The following RAP1GDS1 variants were observed in gnomAD, a reference collection of about 807,000 sequenced individuals.
RAP1GDS1 encodes the protein RAP1, GTP-GDP dissociation stimulator 1.
RAP1GDS1 carries 35 observed loss-of-function variants against 71.1 expected under a neutral mutation model. That is an observed-to-expected ratio of 0.49 (90% confidence interval 0.38 to 0.65). RAP1GDS1 has a LOEUF of 0.65. RAP1GDS1 is among the 30% of genes least tolerant of loss of function. The pLI is 0.00. For missense variants in RAP1GDS1, 663 were observed against 706.1 expected, an observed-to-expected ratio of 0.94 and a Z score of 0.69; for synonymous variants, 229 against 243.1, an observed-to-expected ratio of 0.94 and a Z score of 0.54.
chr4:98,357,172 T>C (rs147828645), intron 4 of RAP1GDS1, among the ~76,000 whole-genome samples: 1,696 of 152,012 alleles, frequency 0.011, 37 homozygotes, highest in African/African-American at 0.039. Context: ...ATATCCAGCA[T>C]TTAAAATAAA....
At chr4:98,324,075 C>G (rs1732490264) in intron 2 of RAP1GDS1, among the ~76,000 whole-genome samples, 1 of 151,244 alleles carries the variant, frequency 6.6e-6, no homozygotes, top group Non-Finnish European at 1.5e-5. Flanking sequence ...TTCAAAGTCT[C>G]AGGATACAAA....
At chr4:98,316,094 C>A (rs1730895296) in intron 2 of RAP1GDS1, among the ~76,000 whole-genome samples, 1 of 152,018 alleles carries the variant, frequency 6.6e-6, no homozygotes, top group African/African-American at 2.4e-5. Flanking sequence ...AGGGAACAGG[C>A]AAAGTATATG....
At chr4:98,384,423 A>G (rs1742441274) in intron 5 of RAP1GDS1, among the ~76,000 whole-genome samples, 1 of 151,694 alleles carries the variant, frequency 6.6e-6, no homozygotes, top group East Asian at 1.9e-4. Context: ...ACAGCTTTCT[A>G]GTCAGTTTGC....
At chr4:98,304,199 T>G (rs1482707304) in intron 2 of RAP1GDS1, among the ~76,000 whole-genome samples, 1 of 152,186 alleles carries the variant, frequency 6.6e-6, no homozygotes, top group Non-Finnish European at 1.5e-5. Context: ...TATATTCCTT[T>G]GGGTATATAC....
At chr4:98,421,438 C>G (rs1353384825) in intron 12 of RAP1GDS1, 44 bp downstream of exon 12, 1 of 1,515,250 alleles carries the variant, frequency 6.6e-7, no homozygotes, top group East Asian at 2.3e-5. Flanking sequence ...TTCAGAGTGT[C>G]TTTTTCAGAA....
intron 12 of RAP1GDS1, among the ~76,000 whole-genome samples, chr4:98,430,618 T>C (rs1750264412): frequency 6.6e-6 from 1 of 152,242 alleles, no homozygotes; most frequent in South Asian, 2.1e-4. Flanking sequence ...TCTTTAATTT[T>C]ATTTGAATCC....
chr4:98,294,394 A>G (rs1229902430), intron 2 of RAP1GDS1, among the ~76,000 whole-genome samples: 1 of 152,202 alleles, frequency 6.6e-6, no homozygotes, highest in Middle Eastern at 3.4e-3. Context: ...AGAAAAATCT[A>G]AAATAATTGA....
Position 98,442,163 on chromosome 4 carries a change from G to A in RAP1GDS1, c.*46G>A. 2 of 1,598,638 alleles carry A rather than the reference G, an allele frequency of 1.3e-6. No homozygotes were observed. ...TCATCCCATCTCTAATTTCCCCTCTGTCCTCCATCCAGCGGCTTCTTCCGC... is the reference window on the plus strand; with the variant it reads ...TCATCCCATCTCTAATTTCCCCTCTATCCTCCATCCAGCGGCTTCTTCCGC... On this transcript the variant is annotated 3_prime_UTR_variant, in exon 15 of 15. Transcript: ENST00000408927.
At chr4:98,272,417 G>A (rs1308131531) in intron 1 of RAP1GDS1, among the ~76,000 whole-genome samples, 1 of 152,156 alleles carries the variant, frequency 6.6e-6, no homozygotes, top group Non-Finnish European at 1.5e-5. Flanking sequence ...GATGCTTGAA[G>A]AAGTGGTAGT....
intron 2 of RAP1GDS1, among the ~76,000 whole-genome samples, chr4:98,342,416 T>C (rs1175959038): frequency 1.3e-5 from 2 of 152,192 alleles, no homozygotes; most frequent in Non-Finnish European, 2.9e-5. Context: ...TGAGCTTTTC[T>C]TTATTTTTAA....
chr4:98,261,704 G>A (rs1721997006), intron 1 of RAP1GDS1, 135 bp downstream of exon 1: 2 of 1,186,392 alleles, frequency 1.7e-6, no homozygotes, highest in East Asian at 3.1e-5. Context: ...CTGTTCCTCC[G>A]GGGAGAGTCG....
chr4:98,399,593 C>T (rs1261946031), intron 6 of RAP1GDS1, among the ~76,000 whole-genome samples: 1 of 152,098 alleles, frequency 6.6e-6, no homozygotes, highest in African/African-American at 2.4e-5. Flanking sequence ...TGTGTCTGCC[C>T]CAGTCCCATT....
chr4:98,399,651 C>CA, intron 6 of RAP1GDS1, among the ~76,000 whole-genome samples: 1 of 152,198 alleles, frequency 6.6e-6, no homozygotes, highest in South Asian at 2.1e-4. Context: ...AAAGAAGATA[C>CA]AAAAATGGCT....
At chr4:98,407,276 A>G (rs1746264204) in intron 7 of RAP1GDS1, among the ~76,000 whole-genome samples, 1 of 151,984 alleles carries the variant, frequency 6.6e-6, no homozygotes, top group Non-Finnish European at 1.5e-5. Flanking sequence ...TGGTCTATTA[A>G]TTTTGTTAAT....
intron 7 of RAP1GDS1, among the ~76,000 whole-genome samples, chr4:98,405,485 T>C (rs1292470245): frequency 6.6e-6 from 1 of 152,040 alleles, no homozygotes; most frequent in Non-Finnish European, 1.5e-5. Flanking sequence ...AAATGAGACA[T>C]TCTCATATGC....
At chr4:98,279,248 AAAT>A (rs966336144) in intron 1 of RAP1GDS1, among the ~76,000 whole-genome samples, 18 of 151,140 alleles carry the variant, frequency 1.2e-4, no homozygotes, top group African/African-American at 3.5e-4. Context: ...AAACAAACAA[AAAT>A]AATAATAATA....
At chr4:98,304,320 A>T (rs1729004282) in intron 2 of RAP1GDS1, among the ~76,000 whole-genome samples, 1 of 152,192 alleles carries the variant, frequency 6.6e-6, no homozygotes, top group Admixed American at 6.5e-5. Flanking sequence ...CCAACAGTGT[A>T]AAAGTGTTCC....
Position 98,379,182 on chromosome 4 carries a change from T to A in RAP1GDS1, c.508+19T>A. 6.5e-7 allele frequency: 1 copy of A among 1,546,232 alleles called. No homozygotes were observed. The highest frequency in any genetic ancestry group is 2.1e-5 in the Admixed American group (1 of 47,544). On this transcript the variant is annotated intron_variant, in intron 5 of 14. Coordinates refer to ENST00000408927, the MANE Select transcript of RAP1GDS1 (RefSeq NM_001100427.2). ...GAGAATGGTAAACAAAACTGAAAAC[T>A]TGCTTTATCTCTGGGGGAAAAATTA... is the stretch of plus-strand genomic sequence containing the variant.
intron 12 of RAP1GDS1, among the ~76,000 whole-genome samples, chr4:98,428,407 A>G (rs1040993857): frequency 4.6e-5 from 7 of 152,240 alleles, no homozygotes; most frequent in African/African-American, 1.7e-4. Context: ...CGGCAGAGTA[A>G]ACAGACAACC....
Sources: gnomAD v4.1 joint callset for allele counts (sites outside exome capture counted in the v4.1 genomes callset) on GRCh38, gnomAD v4.1.1 for gene constraint, MANE v1.5 for transcripts, NCBI Gene and HGNC (gene_info 2026-07-23, HGNC 2026-07-21) for gene names.